SPAG16: variants seen among roughly 807,000 people sequenced by gnomAD.
SPAG16 encodes sperm-associated antigen 16 protein.
In SPAG16, 86 loss-of-function variants were observed where a neutral mutation model predicts 80.4. The observed-to-expected ratio is 1.07, with a 90% CI of 0.90 to 1.28. The LOEUF is 1.28. SPAG16 is among the 50% of genes most tolerant of loss of function. The pLI is 0.00. For synonymous variants in SPAG16, 294 were observed against 265.9 expected (o/e 1.11, Z -1.03); for missense variants, 870 against 765.3 (o/e 1.14, Z -1.61).
rs183082170 is a variant in SPAG16 at position 214,183,815 on chromosome 2, C to T, written c.1720+34549C>T. On this transcript the variant is annotated intron_variant, in intron 15 of 15. Transcript: ENST00000331683. Reference sequence around the variant, plus strand: ...TGCTTTTATGAAGACCAATGAAAGGCTTCACCGAAGCCTCCGTGTATAGAT... The same window carrying T: ...TGCTTTTATGAAGACCAATGAAAGGTTTCACCGAAGCCTCCGTGTATAGAT... Among the ~76,000 whole-genome samples, 23 of 152,084 alleles carry T rather than the reference C, an allele frequency of 1.5e-4. No homozygotes were observed. The East Asian group carries it at 4.3e-3, about 28-fold the overall frequency.
intron 12 of SPAG16, among the ~76,000 whole-genome samples, chr2:214,012,839 G>T (rs1013760161): frequency 6.6e-6 from 1 of 152,080 alleles, no homozygotes; most frequent in African/African-American, 2.4e-5. Context: ...TTTCTTCTGG[G>T]TCATTTCTAA....
At chr2:214,098,026 G>A (rs1238208001) in intron 13 of SPAG16, among the ~76,000 whole-genome samples, 1 of 151,926 alleles carries the variant, frequency 6.6e-6, no homozygotes, top group Non-Finnish European at 1.5e-5. Flanking sequence ...AAGTAGTTTC[G>A]CTCCAGACAC....
intron 10 of SPAG16, among the ~76,000 whole-genome samples, chr2:213,531,445 T>G (rs1345704041): frequency 6.6e-6 from 1 of 151,438 alleles, no homozygotes; most frequent in East Asian, 1.9e-4. Context: ...CACTCAGCAA[T>G]TTAGCAATAG....
intron 10 of SPAG16, among the ~76,000 whole-genome samples, chr2:213,667,645 C>T (rs1310428094): frequency 6.6e-6 from 1 of 152,076 alleles, no homozygotes; most frequent in African/African-American, 2.4e-5. Flanking sequence ...AGTTATTGAC[C>T]ACATTAGATA....
Position 213,284,601 on chromosome 2 carries a change from G to A in SPAG16, c.118G>A (p.Gly40Ser), listed in dbSNP as rs751316702. 4 of 1,609,268 alleles carry A rather than the reference G, an allele frequency of 2.5e-6. No homozygotes were observed. In the African/African-American group the frequency reaches 4.0e-5, roughly 16 times the overall value. ...RDTADAVAAE[G>S]AYYLEQVTIT... ...CACGGCGGACGCGGTGGCGGCTGAG[G>A]GCGCCTACTACCTGGAACGTATCCT... The change falls in exon 1 of 16, where the codon GGC (glycine) becomes AGC (serine). Residue 40 changes from glycine to serine, a missense_variant. Coordinates refer to ENST00000331683, the MANE Select transcript of SPAG16 (RefSeq NM_024532.5).
intron 10 of SPAG16, among the ~76,000 whole-genome samples, chr2:213,628,773 G>A (rs1056483625): frequency 2.4e-4 from 36 of 152,104 alleles, no homozygotes; most frequent in Non-Finnish European, 1.2e-4. Flanking sequence ...TTAAATCAAT[G>A]CCAATTGTCA....
intron 10 of SPAG16, among the ~76,000 whole-genome samples, chr2:213,588,808 CAAAAAAAAAAAAAAAAAAAAA>C (rs59813410): frequency 1.0e-4 from 3 of 28,952 alleles, no homozygotes; most frequent in Non-Finnish European, 1.8e-4. Flanking sequence ...GACTCCGTCT[CAAAAAAAAAAAAAAAAAAAAA>C]AAAAAAAAAA....
intron 15 of SPAG16, among the ~76,000 whole-genome samples, chr2:214,160,868 T>C (rs1395948104): frequency 1.3e-5 from 2 of 152,114 alleles, no homozygotes; most frequent in East Asian, 3.8e-4. Flanking sequence ...TATTTATCCA[T>C]TGCTGTAATG....
chr2:214,391,444 A>G (rs1181358932), intron 15 of SPAG16, among the ~76,000 whole-genome samples: 1 of 152,240 alleles, frequency 6.6e-6, no homozygotes, highest in Non-Finnish European at 1.5e-5. Context: ...TGAATAAAAT[A>G]TAAATGGGAA....
intron 15 of SPAG16, among the ~76,000 whole-genome samples, chr2:214,383,740 A>G (rs1228404010): frequency 6.6e-6 from 1 of 152,150 alleles, no homozygotes; most frequent in Non-Finnish European, 1.5e-5. Flanking sequence ...TGTGAAAAGT[A>G]TATGGGAGAG....
intron 10 of SPAG16, among the ~76,000 whole-genome samples, chr2:213,564,916 C>T (rs964476873): frequency 1.3e-5 from 2 of 152,068 alleles, no homozygotes; most frequent in African/African-American, 4.8e-5. Context: ...GGCTCCTGAG[C>T]CTGCACATTT....
intron 10 of SPAG16, among the ~76,000 whole-genome samples, chr2:213,572,236 C>A (rs1322018044): frequency 2.3e-5 from 2 of 85,402 alleles, no homozygotes; most frequent in East Asian, 5.8e-4. Flanking sequence ...CTTCTCTCAG[C>A]TCGTCAAAAT....
chr2:213,860,482 T>TATATAG (rs143040242), intron 10 of SPAG16, among the ~76,000 whole-genome samples: 32,520 of 131,114 alleles, frequency 0.25, 4,806 homozygotes, highest in East Asian at 0.39. Flanking sequence ...TCTATATATA[T>TATATAG]ATATACACAC....
At chr2:213,511,810 G>T (rs890639826) in intron 10 of SPAG16, among the ~76,000 whole-genome samples, 3 of 151,886 alleles carry the variant, frequency 2.0e-5, no homozygotes, top group Non-Finnish European at 4.4e-5. Flanking sequence ...TAGATGTAAA[G>T]TCATATTATA....
At chr2:213,502,383 A>G (rs1575766469) in intron 10 of SPAG16, among the ~76,000 whole-genome samples, 1 of 152,128 alleles carries the variant, frequency 6.6e-6, no homozygotes, top group Non-Finnish European at 1.5e-5. Flanking sequence ...TCAGCCTCCC[A>G]AATTGCTAGG....
intron 10 of SPAG16, among the ~76,000 whole-genome samples, chr2:213,566,574 T>C (rs978449302): frequency 6.6e-6 from 1 of 152,220 alleles, no homozygotes; most frequent in Non-Finnish European, 1.5e-5. Context: ...ATTGCTATGC[T>C]TCACAGTAAT....
At position 213,552,770 on chromosome 2, in the gene SPAG16, G is replaced by A. The variant is rs934315876; in HGVS notation, c.1070+62680G>A. ...GCAGACCCACCCTCAATCTGGGTGG[G>A]CACCATTTAATCAGCTGCTAGCGTG... On this transcript the variant is annotated intron_variant, in intron 10 of 15. Transcript: ENST00000331683. 4.0e-5 allele frequency among the ~76,000 whole-genome samples: 6 copies of A among 150,024 alleles called. No individual in the cohort carries two copies. In the East Asian group the frequency reaches 1.2e-3, roughly 29 times the overall value.
intron 12 of SPAG16, among the ~76,000 whole-genome samples, chr2:213,931,645 C>G (rs1292823707): frequency 6.6e-6 from 1 of 152,120 alleles, no homozygotes; most frequent in Non-Finnish European, 1.5e-5. Context: ...TCAGTAGTCT[C>G]AGCCCTACTT....
Position 214,233,759 on chromosome 2 carries a change from T to C in SPAG16, c.1720+84493T>C, listed in dbSNP as rs1236784958. 7.9e-5 allele frequency among the ~76,000 whole-genome samples: 12 copies of C among 152,192 alleles called. No homozygotes were observed. The East Asian group carries it at 1.9e-3, about 24-fold the overall frequency. ...GATAATAATTTTTCATCTGCATCTTTCTCCCAAATCCTCCAATCCTGTACA... is the reference window on the plus strand; with the variant it reads ...GATAATAATTTTTCATCTGCATCTTCCTCCCAAATCCTCCAATCCTGTACA... On this transcript the variant is annotated intron_variant, in intron 15 of 15. Transcript: ENST00000331683.
Sources: allele counts gnomAD v4.1 joint callset (sites outside exome capture counted in the v4.1 genomes callset), GRCh38; gene constraint gnomAD v4.1.1; transcripts MANE v1.5; gene names NCBI Gene and HGNC (gene_info 2026-07-23, HGNC 2026-07-21).